The following SLC35F2 variants were observed in gnomAD, a reference collection of about 807,000 sequenced individuals.
SLC35F2 encodes queuine/queuosine transporter SLC35F2.
SLC35F2 carries 25 observed loss-of-function variants against 38.1 expected under a neutral mutation model. The ratio of observed to expected loss-of-function variants is 0.66; its 90% CI spans 0.48 to 0.92. The LOEUF (loss-of-function observed/expected upper bound fraction) is 0.92. Among genes scored for constraint, SLC35F2 ranks in the 40% least tolerant of loss-of-function variants. SLC35F2 has a pLI of 0.00. For synonymous variants in SLC35F2, 173 were observed against 181.7 expected (o/e 0.95, Z 0.38); for missense variants, 409 against 452.9 (o/e 0.90, Z 0.88).
rs77469356 is a variant in SLC35F2 at position 107,808,041 on chromosome 11, G to A, written c.415-1165C>T. Among the ~76,000 whole-genome samples, 626 of 152,308 alleles carry A rather than the reference G, an allele frequency of 4.1e-3. 4 individuals are homozygous for A. The highest frequency in any genetic ancestry group is 0.014 in the African/African-American group (594 of 41,574). ...AGCTGTGTCCTTAGGAGCACACAAA[G>A]CTAGAAAGGACATGGAATAAATAAT... is the stretch of plus-strand genomic sequence containing the variant. On this transcript the variant is annotated intron_variant, in intron 3 of 7. Transcript: ENST00000525815.
In SLC35F2 at chr11:107,840,931, G is replaced by A. The variant is rs187493104; in HGVS notation, c.110+17727C>T. Among the ~76,000 whole-genome samples the A allele has an allele frequency of 2.2e-3, 329 of 152,190 alleles. 3 individuals carry two copies. Among genetic ancestry groups the A allele is most frequent in the African/African-American group, 7.2e-3 (301 of 41,534 alleles). ...GACCTGGCCCAGTGAGGGAAGCGGA[G>A]GCGGCGAGGAGATTTCCTATGAGTC... On this transcript the variant is annotated intron_variant, in intron 1 of 7. Coordinates refer to ENST00000525815, the MANE Select transcript of SLC35F2 (RefSeq NM_017515.5).
At chr11:107,827,032 G>A (rs750544924) in intron 1 of SLC35F2, among the ~76,000 whole-genome samples, 2 of 151,766 alleles carry the variant, frequency 1.3e-5, no homozygotes, top group African/African-American at 4.8e-5. Flanking sequence ...TATGAATATC[G>A]TATATACATA....
intron 1 of SLC35F2, among the ~76,000 whole-genome samples, chr11:107,827,231 C>G (rs1376729911): frequency 6.6e-6 from 1 of 152,070 alleles, no homozygotes; most frequent in African/African-American, 2.4e-5. Flanking sequence ...CTATCTCTTT[C>G]CCCTAAAAAG....
At chr11:107,793,507 G>GT (rs1045144108) in intron 7 of SLC35F2, among the ~76,000 whole-genome samples, 9 of 152,198 alleles carry the variant, frequency 5.9e-5, no homozygotes, top group African/African-American at 1.7e-4. Context: ...GCAGAGGAAC[G>GT]TAAGACTATG....
At position 107,803,085 on chromosome 11, in the gene SLC35F2, G is replaced by A. The variant is rs1436265997; in HGVS notation, c.855C>T (p.Val285=). The A allele has an allele frequency of 8.7e-6, 14 of 1,613,970 alleles. 1 individual carries two copies. In the Middle Eastern group the frequency reaches 4.9e-4, roughly 57 times the overall value. The change falls in exon 7 of 8, where the codon GTC becomes GTT. Residue 285 remains valine (V), a synonymous_variant. Transcript: ENST00000525815. ...CCAGGTTGACGGAAGTGGCACTAGT[G>A]ACTTTAATCACCAATGGCATGAAGC... ...LYSFMPLVIK[V]TSATSVNLGI... is the part of the protein sequence containing the mutation.
chr11:107,809,329 CAAAAAA>C (rs61511493), intron 3 of SLC35F2, among the ~76,000 whole-genome samples: 1 of 96,120 alleles, frequency 1.0e-5, no homozygotes, highest in Non-Finnish European at 2.2e-5. Context: ...ACTCAAAATA[CAAAAAA>C]AAAAAAAAAA....
chr11:107,858,514 T>C (rs1364589363), intron 1 of SLC35F2, 144 bp downstream of exon 1: 4 of 656,538 alleles, frequency 6.1e-6, no homozygotes, highest in Non-Finnish European at 8.9e-6. Context: ...GTGTGCGTGT[T>C]GAGCCCCGAA....
chr11:107,817,570 G>A (rs1859595515), intron 1 of SLC35F2, among the ~76,000 whole-genome samples: 1 of 152,010 alleles, frequency 6.6e-6, no homozygotes, highest in African/African-American at 2.4e-5. Flanking sequence ...TCGGTGGCTG[G>A]TTCCTCTCTG....
intron 3 of SLC35F2, chr11:107,809,813 A>G (rs1859454913): frequency 1.0e-6 from 1 of 985,306 alleles, no homozygotes; most frequent in Non-Finnish European, 1.2e-6. Flanking sequence ...AGAAGAGAAA[A>G]TGAAAATTGA....
intron 2 of SLC35F2, among the ~76,000 whole-genome samples, chr11:107,813,201 T>C (rs546847541): frequency 4.3e-4 from 65 of 152,218 alleles, no homozygotes; most frequent in Non-Finnish European, 8.8e-4. Context: ...TCCCAGCACA[T>C]TGGGAGGCTG....
intron 7 of SLC35F2, 26 bp downstream of exon 7, chr11:107,802,975 T>C (rs770922467): frequency 1.9e-6 from 3 of 1,577,336 alleles, no homozygotes; most frequent in Non-Finnish European, 2.6e-6. Context: ...CAAGTATTCT[T>C]ATTTGAACGT....
intron 3 of SLC35F2, chr11:107,810,899 A>T: frequency 1.0e-6 from 1 of 980,716 alleles, no homozygotes; most frequent in Non-Finnish European, 1.2e-6. Context: ...TGAGAAAGGG[A>T]CATATCAAAA....
Position 107,798,162 on chromosome 11 carries a change from C to T in SLC35F2, c.939+4839G>A, listed in dbSNP as rs181401954. On this transcript the variant is annotated intron_variant, in intron 7 of 7. Coordinates refer to ENST00000525815, the MANE Select transcript of SLC35F2 (RefSeq NM_017515.5). ...GGGATTACAGGTGCCCGCCATCATG[C>T]CCAGCTAGTTTTTGTATTTTTAATA... Among the ~76,000 whole-genome samples, 737 of 152,080 alleles carry T rather than the reference C, an allele frequency of 4.8e-3. 8 individuals are homozygous for T. Among genetic ancestry groups the T allele is most frequent in the African/African-American group, 0.016 (681 of 41,466 alleles).
chr11:107,843,581 C>T (rs1860046209), intron 1 of SLC35F2, among the ~76,000 whole-genome samples: 1 of 151,028 alleles, frequency 6.6e-6, no homozygotes, highest in African/African-American at 2.4e-5. Flanking sequence ...TGAGGCTGAG[C>T]AGAGTGGCTC....
At chr11:107,812,471 T>G (rs670140) in intron 2 of SLC35F2, among the ~76,000 whole-genome samples, 102,638 of 151,678 alleles carry the variant, frequency 0.68, 36,047 homozygotes, top group African/African-American at 0.88. Context: ...GAGCCCAGGA[T>G]TTCAAGACCA....
chr11:107,806,655 TA>T, intron 4 of SLC35F2, 61 bp downstream of exon 4: 1 of 1,476,002 alleles, frequency 6.8e-7, no homozygotes, highest in Non-Finnish European at 9.3e-7. Context: ...TTTGTTGATA[TA>T]AAAGTGAAAA....
At chr11:107,821,292 T>G (rs538765332) in intron 1 of SLC35F2, 2 of 647,558 alleles carry the variant, frequency 3.1e-6, no homozygotes, top group Admixed American at 6.3e-5. Context: ...AATAGCACAA[T>G]TAAGCAAGCT....
Position 107,791,164 on chromosome 11 carries a change from CAG to C in SLC35F2, c.*1449_*1450del, listed in dbSNP as rs1451048848. On this transcript the variant is annotated 3_prime_UTR_variant, in exon 8 of 8. Transcript: ENST00000525815. Reference sequence around the variant, plus strand: ...TATTGAAGAAGTATCATAAAAATCACAGGGCATTACAGATTTTTGATAAGAAG... The same window carrying C: ...TATTGAAGAAGTATCATAAAAATCACGGCATTACAGATTTTTGATAAGAAG... 3 of 145,952 alleles carry C rather than the reference CAG, an allele frequency of 2.1e-5. No individual in the cohort carries two copies. Among genetic ancestry groups the C allele is most frequent in the Non-Finnish European group, 4.4e-5 (3 of 67,982 alleles). The allele number at this position is 145,952 out of a possible 1,614,324, so 9.0% of individuals were successfully genotyped here.
intron 1 of SLC35F2, among the ~76,000 whole-genome samples, chr11:107,829,434 T>G (rs9804652): frequency 6.6e-6 from 1 of 150,966 alleles, no homozygotes; most frequent in Non-Finnish European, 1.5e-5. Flanking sequence ...AAAAAAAAAC[T>G]TGTTTGACTC....
Sources: allele counts gnomAD v4.1 joint callset (sites outside exome capture counted in the v4.1 genomes callset), GRCh38; gene constraint gnomAD v4.1.1; transcripts MANE v1.5; gene names NCBI Gene and HGNC (gene_info 2026-07-23, HGNC 2026-07-21).